RAB33B: variants seen among roughly 807,000 people sequenced by gnomAD.
RAB33B encodes the protein ras-related protein Rab-33B.
A neutral mutation model predicts 15.0 loss-of-function variants in RAB33B; 6 were observed. The ratio of observed to expected loss-of-function variants is 0.40; its 90% CI spans 0.22 to 0.79. RAB33B has a LOEUF of 0.79. Among genes scored for constraint, RAB33B ranks in the 30% least tolerant of loss-of-function variants. The probability of loss-of-function intolerance (pLI) is 0.37; values close to 1 mark genes in which losing one functional copy is unlikely to be tolerated. For missense variants in RAB33B, 257 were observed against 296.4 expected, an observed-to-expected ratio of 0.87 and a Z score of 0.98; for synonymous variants, 117 against 108.3, an observed-to-expected ratio of 1.08 and a Z score of -0.50.
chr4:139,458,019 C>G lies in RAB33B; in HGVS notation c.249+3575C>G, dbSNP rs545002678. 7.2e-5 allele frequency among the ~76,000 whole-genome samples: 11 copies of G among 152,308 alleles called. No individual in the cohort carries two copies. In the South Asian group the frequency reaches 2.3e-3, roughly 32 times the overall value. On this transcript the variant is annotated intron_variant, in intron 1 of 1. Coordinates refer to ENST00000305626, the MANE Select transcript of RAB33B (RefSeq NM_031296.3). Reference sequence around the variant, plus strand: ...ACAGTTACAGCAGCTTAACTGATCTCCCAGTCCTCAATTAATCTATTTTGT... The same window carrying G: ...ACAGTTACAGCAGCTTAACTGATCTGCCAGTCCTCAATTAATCTATTTTGT...
intron 1 of RAB33B, among the ~76,000 whole-genome samples, chr4:139,470,506 GA>G (rs1750368691): frequency 6.6e-6 from 1 of 152,196 alleles, no homozygotes; most frequent in African/African-American, 2.4e-5. Flanking sequence ...GTCAAGTCCT[GA>G]AATCTGGGAC....
At chr4:139,447,778 T>G in the RAB33B span, among the ~76,000 whole-genome samples, 1 of 147,872 alleles carries the variant, frequency 6.8e-6, no homozygotes, top group Non-Finnish European at 1.5e-5. Flanking sequence ...GCCATTCTCC[T>G]GCCTCAGCCT....
Position 139,473,255 on chromosome 4 carries a change from C to T in RAB33B, c.*129C>T, listed in dbSNP as rs1050350310. On this transcript the variant is annotated 3_prime_UTR_variant, in exon 2 of 2. Coordinates refer to ENST00000305626, the MANE Select transcript of RAB33B (RefSeq NM_031296.3). ...GACACTTTGCTGTTTGTCATTGTCA[C>T]GCTTTTGTATTTTGTATCTACTTAA... 21 of 878,258 alleles carry T rather than the reference C, an allele frequency of 2.4e-5. No individual in the cohort carries two copies. The highest frequency in any genetic ancestry group is 1.3e-4 in the East Asian group (5 of 37,136). The allele number at this position is 878,258 out of a possible 1,614,324, so 54.4% of individuals were successfully genotyped here.
chr4:139,471,650 G>A (rs1041189616), intron 1 of RAB33B, among the ~76,000 whole-genome samples: 1 of 151,870 alleles, frequency 6.6e-6, no homozygotes, highest in East Asian at 1.9e-4. Context: ...GTTTGTTCAG[G>A]CTGGTCTTAA....
At chr4:139,464,616 C>A (rs1357372915) in intron 1 of RAB33B, among the ~76,000 whole-genome samples, 3 of 152,082 alleles carry the variant, frequency 2.0e-5, no homozygotes, top group Non-Finnish European at 2.9e-5. Flanking sequence ...TCAATTCCCA[C>A]CTATGGGTGA....
chr4:139,441,937 A>C, the RAB33B span, among the ~76,000 whole-genome samples: 2 of 152,192 alleles, frequency 1.3e-5, no homozygotes, highest in Non-Finnish European at 2.9e-5. Context: ...AATATTAAAC[A>C]TCTAATATTG....
chr4:139,466,541 A>G (rs1432133074), intron 1 of RAB33B, among the ~76,000 whole-genome samples: 1 of 152,100 alleles, frequency 6.6e-6, no homozygotes, highest in Non-Finnish European at 1.5e-5. Flanking sequence ...TATCTTTCTA[A>G]ATGCTAAAGA....
the RAB33B span, among the ~76,000 whole-genome samples, chr4:139,443,046 G>A: frequency 6.6e-6 from 1 of 151,458 alleles, no homozygotes. Context: ...AGGCTGGAGT[G>A]CAGTGGCGCA....
At chr4:139,455,137 G>A (rs1750041253) in intron 1 of RAB33B, among the ~76,000 whole-genome samples, 1 of 152,202 alleles carries the variant, frequency 6.6e-6, no homozygotes, top group African/African-American at 2.4e-5. Context: ...TGGGACTGGG[G>A]ACACTGAGTG....
intron 1 of RAB33B, among the ~76,000 whole-genome samples, chr4:139,467,050 C>T (rs1311981673): frequency 6.8e-6 from 1 of 147,090 alleles, no homozygotes; most frequent in Admixed American, 6.9e-5. Context: ...CTCACTGCAG[C>T]CTCTGTCTCC....
chr4:139,457,889 G>A (rs1459083934), intron 1 of RAB33B, among the ~76,000 whole-genome samples: 2 of 152,072 alleles, frequency 1.3e-5, no homozygotes, highest in South Asian at 2.1e-4. Flanking sequence ...TTTGCTCTGA[G>A]TCCAATTGGT....
At chr4:139,461,887 G>C (rs1750179559) in intron 1 of RAB33B, among the ~76,000 whole-genome samples, 1 of 150,730 alleles carries the variant, frequency 6.6e-6, no homozygotes, top group Non-Finnish European at 1.5e-5. Context: ...CTGGGTGACA[G>C]AGCAAGCCTC....
At chr4:139,465,722 C>CTTTTTTTTTTTT (rs375295002) in intron 1 of RAB33B, among the ~76,000 whole-genome samples, 1 of 133,230 alleles carries the variant, frequency 7.5e-6, no homozygotes, top group African/African-American at 2.9e-5. Context: ...TCTTCTTCTT[C>CTTTTTTTTTTTT]TTTTTTTTTT....
chr4:139,439,724 T>A, the RAB33B span, among the ~76,000 whole-genome samples: 13 of 152,166 alleles, frequency 8.5e-5, no homozygotes, highest in Non-Finnish European at 1.6e-4. Flanking sequence ...CAATCTCTTT[T>A]CTTTCTGTTC....
At chr4:139,465,439 G>T (rs1259332804) in intron 1 of RAB33B, among the ~76,000 whole-genome samples, 1 of 152,140 alleles carries the variant, frequency 6.6e-6, no homozygotes, top group African/African-American at 2.4e-5. Flanking sequence ...ATTGCTTTTG[G>T]TGTTTTAGAC....
chr4:139,446,142 T>C, the RAB33B span, among the ~76,000 whole-genome samples: 8,341 of 152,234 alleles, frequency 0.055, 255 homozygotes, highest in East Asian at 0.1. Context: ...ATAAGTTACA[T>C]GAGGAAGTGG....
chr4:139,464,156 C>T (rs1750228138), intron 1 of RAB33B, among the ~76,000 whole-genome samples: 1 of 152,146 alleles, frequency 6.6e-6, no homozygotes, highest in South Asian at 2.1e-4. Flanking sequence ...TGACACGCGC[C>T]TGTGGTCCCA....
Position 139,475,992 on chromosome 4 carries a change from GA to G in RAB33B, c.*2867del, listed in dbSNP as rs796811334. On this transcript the variant is annotated 3_prime_UTR_variant, in exon 2 of 2. Transcript: ENST00000305626. ...AATCTTTTTTTCCTCCTGGTTTCCA[GA>G]TAATATTATATATATGATACACTTT... The G allele has an allele frequency of 4.6e-5, 7 of 152,106 alleles. No individual in the cohort carries two copies. The highest frequency in any genetic ancestry group is 1.4e-4 in the African/African-American group (6 of 41,502). 9.4% of individuals were successfully genotyped at this position (152,106 alleles called of 1,614,324 possible).
chr4:139,443,770 C>T, the RAB33B span, among the ~76,000 whole-genome samples: 4 of 152,154 alleles, frequency 2.6e-5, no homozygotes, highest in Admixed American at 6.5e-5. Context: ...TTCCCCATCC[C>T]GGGTAGCAAG....
Sources: allele counts gnomAD v4.1 joint callset (sites outside exome capture counted in the v4.1 genomes callset), GRCh38; gene constraint gnomAD v4.1.1; transcripts MANE v1.5; gene names NCBI Gene and HGNC (gene_info 2026-07-23, HGNC 2026-07-21).